KCTD8: variants seen among roughly 807,000 people sequenced by gnomAD.
KCTD8 encodes the protein BTB/POZ domain-containing protein KCTD8.
In KCTD8, 27 loss-of-function variants were observed where a neutral mutation model predicts 31.5. That is an observed-to-expected ratio of 0.86 (90% CI 0.63 to 1.18). KCTD8 has a LOEUF of 1.18. Among genes scored for constraint, KCTD8 ranks in the 50% most tolerant of loss-of-function variants. The pLI, the probability that KCTD8 is intolerant of heterozygous loss-of-function variation, is 0.00. For missense variants in KCTD8, 658 were observed against 647.7 expected (o/e 1.02, Z -0.17); for synonymous variants, 290 against 280.0 (o/e 1.04, Z -0.36).
intron 1 of KCTD8, among the ~76,000 whole-genome samples, chr4:44,210,322 T>C (rs765386346): frequency 3.9e-5 from 6 of 152,256 alleles, no homozygotes; most frequent in Non-Finnish European, 7.3e-5. Flanking sequence ...TAAAATCATA[T>C]GCTAAGGCAT....
intron 1 of KCTD8, among the ~76,000 whole-genome samples, chr4:44,395,987 A>T (rs1422211214): frequency 6.6e-6 from 1 of 152,112 alleles, no homozygotes; most frequent in East Asian, 1.9e-4. Flanking sequence ...TGTACACTTT[A>T]TTTCTATTAT....
intron 1 of KCTD8, among the ~76,000 whole-genome samples, chr4:44,226,050 C>G (rs138377059): frequency 0.022 from 3,336 of 151,966 alleles, 131 homozygotes; most frequent in African/African-American, 0.077. Flanking sequence ...GGATGGTCTC[C>G]ATCTCCGGAC....
chr4:44,244,358 T>C (rs1025695306), intron 1 of KCTD8, among the ~76,000 whole-genome samples: 1 of 152,128 alleles, frequency 6.6e-6, no homozygotes, highest in African/African-American at 2.4e-5. Flanking sequence ...CCCCAAAGTA[T>C]GGTGCTTTGC....
intron 1 of KCTD8, among the ~76,000 whole-genome samples, chr4:44,397,643 G>A (rs1334122528): frequency 1.3e-5 from 2 of 152,078 alleles, no homozygotes; most frequent in Admixed American, 6.6e-5. Flanking sequence ...TGAATAATTT[G>A]AATAATTTTT....
chr4:44,321,208 A>T (rs180918006), intron 1 of KCTD8, among the ~76,000 whole-genome samples: 30 of 152,256 alleles, frequency 2.0e-4, no homozygotes, highest in African/African-American at 7.2e-4. Flanking sequence ...CTTAAACCCT[A>T]TTTTAACTAT....
Position 44,447,881 on chromosome 4 carries a change from C to T in KCTD8, c.643G>A (p.Gly215Ser). 6.5e-7 allele frequency: 1 copy of T among 1,543,530 alleles called. No homozygotes were observed. The highest frequency in any genetic ancestry group is 1.9e-5 in the Admixed American group (1 of 51,962). Residue 215 changes from glycine to serine, a missense_variant, in exon 1 of 2, where the codon GGC (glycine) becomes AGC (serine). Gly to Ser is a moderately conservative substitution (Grantham distance 56). Transcript: ENST00000360029. ...TTGTCGCGCACGGTGGTGTAGGAGC[C>T]CCGGTAGCCCAGCGTGAGGAAGCCC... is the stretch of plus-strand genomic sequence containing the variant. ...RSGFLTLGYR[G>S]SYTTVRDNQA...
At chr4:44,192,475 T>TACAC (rs34405384) in intron 1 of KCTD8, among the ~76,000 whole-genome samples, 3,483 of 137,132 alleles carry the variant, frequency 0.025, 88 homozygotes, top group African/African-American at 0.06. Flanking sequence ...TAAGCAAAGA[T>TACAC]ACACACACAC....
intron 1 of KCTD8, among the ~76,000 whole-genome samples, chr4:44,358,463 T>A (rs113030234): frequency 1.2e-3 from 176 of 152,286 alleles, no homozygotes; most frequent in African/African-American, 4.0e-3. Flanking sequence ...TCTTGAGGAA[T>A]CACCACACTG....
Position 44,278,816 on chromosome 4 carries a change from A to C in KCTD8, c.962-103566T>G, listed in dbSNP as rs374954349. Among the ~76,000 whole-genome samples the C allele has an allele frequency of 1.1e-3, 165 of 152,112 alleles. 3 individuals are homozygous for C. The South Asian group carries it at 0.033, about 30-fold the overall frequency. On this transcript the variant is annotated intron_variant, in intron 1 of 1. Transcript: ENST00000360029. ...AAGAGTTGAACTCCCAGTCTCCATTATTTCTCAGATATGGAGAGAACAGAC... is the reference window on the plus strand; with the variant it reads ...AAGAGTTGAACTCCCAGTCTCCATTCTTTCTCAGATATGGAGAGAACAGAC...
chr4:44,276,018 TA>T (rs1716739100), intron 1 of KCTD8, among the ~76,000 whole-genome samples: 1 of 151,940 alleles, frequency 6.6e-6, no homozygotes, highest in South Asian at 2.1e-4. Context: ...TGAGAGTCAG[TA>T]AAAATTTCAG....
At chr4:44,398,089 G>A (rs1304057768) in intron 1 of KCTD8, among the ~76,000 whole-genome samples, 2 of 152,152 alleles carry the variant, frequency 1.3e-5, no homozygotes, top group Non-Finnish European at 2.9e-5. Context: ...ATAAAAGTCA[G>A]AAATCATTTT....
At position 44,447,636 on chromosome 4, in the gene KCTD8, C is replaced by G; in HGVS notation, c.888G>C (p.Ser296=). 1.2e-6 allele frequency: 2 copies of G among 1,608,256 alleles called. No homozygotes were observed. Among genetic ancestry groups the G allele is most frequent in the Non-Finnish European group, 1.7e-6 (2 of 1,177,700 alleles). Residue 296 remains serine (S), a synonymous_variant, in exon 1 of 2, where the codon TCG becomes TCC. Coordinates refer to ENST00000360029, the MANE Select transcript of KCTD8 (RefSeq NM_198353.3). ...AGFHMVACNS[S]GTAAFVNQYR... ...ACTGGTTGACGAAGGCGGCGGTGCC[C>G]GAGGAGTTACACGCCACCATGTGGA...
In KCTD8 at chr4:44,174,807, G is replaced by C; in HGVS notation, c.1405C>G (p.Gln469Glu). 6.2e-7 allele frequency: 1 copy of C among 1,607,402 alleles called. No individual in the cohort carries two copies. Among genetic ancestry groups the C allele is most frequent in the Non-Finnish European group, 8.5e-7 (1 of 1,176,556 alleles). Residue 469 changes from glutamine (Q) to glutamate (E), a missense_variant, in exon 2 of 2, where the codon CAG (glutamine) becomes GAG (glutamate). Coordinates refer to ENST00000360029, the MANE Select transcript of KCTD8 (RefSeq NM_198353.3). ...RKRQWQSELLQKYGL is the reference protein window; with the variant it reads ...RKRQWQSELLEKYGL Reference sequence around the variant, plus strand: ...GACAATTACTATAACCCATACTTCTGCAACAGTTCAGATTGCCATTGGCGT... The same window carrying C: ...GACAATTACTATAACCCATACTTCTCCAACAGTTCAGATTGCCATTGGCGT...
At chr4:44,250,149 G>A (rs1336620045) in intron 1 of KCTD8, among the ~76,000 whole-genome samples, 2 of 151,786 alleles carry the variant, frequency 1.3e-5, no homozygotes, top group Non-Finnish European at 2.9e-5. Flanking sequence ...ATGTTCATGG[G>A]TGAGTTTTTT....
At chr4:44,184,071 CAT>C (rs144938705) in intron 1 of KCTD8, among the ~76,000 whole-genome samples, 4,770 of 152,276 alleles carry the variant, frequency 0.031, 134 homozygotes, top group Non-Finnish European at 0.044. Context: ...GACACACACA[CAT>C]GTGCACACAC....
chr4:44,266,171 C>G (rs1346495680), intron 1 of KCTD8, among the ~76,000 whole-genome samples: 1 of 152,132 alleles, frequency 6.6e-6, no homozygotes, highest in African/African-American at 2.4e-5. Flanking sequence ...CAAAGGGAAG[C>G]CCATCAGACT....
chr4:44,433,337 AAG>A (rs571047218), intron 1 of KCTD8, among the ~76,000 whole-genome samples: 5 of 151,850 alleles, frequency 3.3e-5, no homozygotes, highest in Non-Finnish European at 5.9e-5. Flanking sequence ...AATTGGAGAT[AAG>A]AGTATAAACT....
intron 1 of KCTD8, among the ~76,000 whole-genome samples, chr4:44,415,749 T>A (rs541911646): frequency 1.3e-5 from 2 of 152,330 alleles, no homozygotes; most frequent in South Asian, 4.1e-4. Context: ...TGAAGGTGGC[T>A]TGGCAGCACT....
intron 1 of KCTD8, among the ~76,000 whole-genome samples, chr4:44,331,952 C>T (rs1024163142): frequency 2.6e-5 from 4 of 151,200 alleles, no homozygotes; most frequent in African/African-American, 9.7e-5. Flanking sequence ...TTTCTTAAAC[C>T]AATTCTTCAA....
Sources: gnomAD v4.1 joint callset for allele counts (sites outside exome capture counted in the v4.1 genomes callset) on GRCh38, gnomAD v4.1.1 for gene constraint, MANE v1.5 for transcripts, NCBI Gene and HGNC (gene_info 2026-07-23, HGNC 2026-07-21) for gene names.